RYR2: variants seen among roughly 807,000 people sequenced by gnomAD.
RYR2 encodes ryanodine receptor 2.
A neutral mutation model predicts 601.1 loss-of-function variants in RYR2; 227 were observed. That is an observed-to-expected ratio of 0.38 (90% confidence interval 0.34 to 0.42). RYR2 has a LOEUF of 0.42. RYR2 is among the 10% of genes least tolerant of loss of function. The pLI, the probability that RYR2 is intolerant of heterozygous loss-of-function variation, is 1.00. For synonymous variants in RYR2, 2,223 were observed against 2,175.1 expected (o/e 1.02, Z -0.61); for missense variants, 4,646 against 6,156.5 (o/e 0.75, Z 8.21).
In RYR2 at chr1:237,426,595, T is replaced by G. The variant is rs558296793; in HGVS notation, c.1005+3347T>G. Among the ~76,000 whole-genome samples the G allele has an allele frequency of 1.0e-3, 154 of 152,302 alleles. 1 individual carries two copies. The highest frequency in any genetic ancestry group is 3.5e-3 in the African/African-American group (145 of 41,576). ...TTCAAGTAAAGAAGGTGGTACCTAT[T>G]AAAATGGCATTCAGCTTATTGACAA... On this transcript the variant is annotated intron_variant, in intron 12 of 104. Transcript: ENST00000366574.
In RYR2 at chr1:237,400,517, A is replaced by C. The variant is rs544124022; in HGVS notation, c.773+12334A>C. Among the ~76,000 whole-genome samples the C allele has an allele frequency of 2.6e-5, 4 of 152,296 alleles. No homozygotes were observed. In the South Asian group the frequency reaches 6.2e-4, roughly 24 times the overall value. On this transcript the variant is annotated intron_variant, in intron 10 of 104. Transcript: ENST00000366574. ...TCTAGCAAGCAAATTGGTCCTGCCC[A>C]ATATCTGATATTAAGGTACTGCTTT...
chr1:237,217,851 G>T (rs988978377), intron 1 of RYR2, among the ~76,000 whole-genome samples: 11 of 152,180 alleles, frequency 7.2e-5, no homozygotes, highest in African/African-American at 2.7e-4. Context: ...ATTTGCAGAC[G>T]CAAGCTTTGC....
chr1:237,618,058 G>GT lies in RYR2; in HGVS notation c.5916+574dup, dbSNP rs1272685801. Among the ~76,000 whole-genome samples the GT allele has an allele frequency of 2.6e-5, 4 of 152,268 alleles. No homozygotes were observed. In the South Asian group the frequency reaches 8.3e-4, roughly 32 times the overall value. ...CAGAGTGGGCCTCAGAGTGTGGGAA[G>GT]TTACTGGCGTAGGGATGGTGTTAAA... is the stretch of plus-strand genomic sequence containing the variant. On this transcript the variant is annotated intron_variant, in intron 38 of 104. Transcript: ENST00000366574.
chr1:237,717,125 TA>T, intron 71 of RYR2, 72 bp from the exon 72 acceptor site: 1 of 1,347,760 alleles, frequency 7.4e-7, no homozygotes, highest in Non-Finnish European at 1.0e-6. Flanking sequence ...AGTGACAAGT[TA>T]GGGAAGAGTC....
chr1:237,592,196 T>C (rs1203724232), intron 32 of RYR2, among the ~76,000 whole-genome samples: 1 of 152,232 alleles, frequency 6.6e-6, no homozygotes, highest in Non-Finnish European at 1.5e-5. Context: ...TCATAATTTG[T>C]GAGAGGTCAA....
intron 1 of RYR2, among the ~76,000 whole-genome samples, chr1:237,214,816 TA>T (rs919120034): frequency 1.8e-4 from 28 of 152,330 alleles, no homozygotes; most frequent in African/African-American, 6.5e-4. Context: ...ACTTTAAGAA[TA>T]AAATACAACA....
chr1:237,131,679 G>T (rs1034028289), intron 1 of RYR2, among the ~76,000 whole-genome samples: 1 of 152,114 alleles, frequency 6.6e-6, no homozygotes, highest in African/African-American at 2.4e-5. Flanking sequence ...TGACAGGATG[G>T]TAGCTAGCCT....
At chr1:237,785,485 C>T (rs1695476117) in intron 90 of RYR2, among the ~76,000 whole-genome samples, 1 of 152,168 alleles carries the variant, frequency 6.6e-6, no homozygotes, top group South Asian at 2.1e-4. Flanking sequence ...GGGTCACTGC[C>T]TTCAAATTAC....
At chr1:237,122,501 G>A (rs1349933235) in intron 1 of RYR2, among the ~76,000 whole-genome samples, 1 of 152,148 alleles carries the variant, frequency 6.6e-6, no homozygotes, top group Non-Finnish European at 1.5e-5. Context: ...GGCCAACATG[G>A]TGAAACCCCG....
chr1:237,732,082 A>G lies in RYR2; in HGVS notation c.10972A>G (p.Thr3658Ala). The G allele has an allele frequency of 6.2e-7, 1 of 1,611,708 alleles. No individual in the cohort carries two copies. Among genetic ancestry groups the G allele is most frequent in the East Asian group, 2.2e-5 (1 of 44,824 alleles). Residue 3658 changes from threonine (T) to alanine (A), a missense_variant, in exon 78 of 105, where the codon ACT becomes GCT. Around this residue, in one of 17 missense-constraint regions of RYR2, gnomAD observed 1,497 missense variants for 1,842.6 expected, o/e 0.81. Coordinates refer to ENST00000366574, the MANE Select transcript of RYR2 (RefSeq NM_001035.3). Reference protein sequence around the residue: ...GAEPPEEDEGTKRVDPLHQLI... With the variant: ...GAEPPEEDEGAKRVDPLHQLI... ...TGAACCTCCAGAAGAAGATGAAGGCACTAAGAGAGTTGATCCTCTACATCA... is the reference window on the plus strand; with the variant it reads ...TGAACCTCCAGAAGAAGATGAAGGCGCTAAGAGAGTTGATCCTCTACATCA...
chr1:237,287,876 G>A (rs1480227026), intron 2 of RYR2, among the ~76,000 whole-genome samples: 1 of 152,124 alleles, frequency 6.6e-6, no homozygotes, highest in Non-Finnish European at 1.5e-5. Flanking sequence ...TTGTGGAGTG[G>A]TGAAGAGCCT....
chr1:237,222,171 T>G (rs1381458686), intron 1 of RYR2, among the ~76,000 whole-genome samples: 1 of 151,882 alleles, frequency 6.6e-6, no homozygotes, highest in Non-Finnish European at 1.5e-5. Flanking sequence ...TCCCAGCACT[T>G]TGGGAGGCTG....
rs556671069 is a variant in RYR2 at position 237,201,056 on chromosome 1, C to T, written c.49-69441C>T. Among the ~76,000 whole-genome samples, 126 of 152,294 alleles carry T rather than the reference C, an allele frequency of 8.3e-4. 2 individuals carry two copies. The highest frequency in any genetic ancestry group is 1.7e-3 in the Non-Finnish European group (114 of 68,024). On this transcript the variant is annotated intron_variant, in intron 1 of 104. Coordinates refer to ENST00000366574, the MANE Select transcript of RYR2 (RefSeq NM_001035.3). ...CTGCTGTGCCTATGGCACAGGATGA[C>T]AGTTTTGGAAAGACAGTAAGGGTAA... is the stretch of plus-strand genomic sequence containing the variant.
chr1:237,388,897 T>G (rs898086574), intron 10 of RYR2, among the ~76,000 whole-genome samples: 2 of 152,194 alleles, frequency 1.3e-5, no homozygotes, highest in Non-Finnish European at 2.9e-5. Context: ...GTGGACATTT[T>G]TCATATTAAC....
chr1:237,227,554 G>A (rs568880676), intron 1 of RYR2, among the ~76,000 whole-genome samples: 1 of 152,298 alleles, frequency 6.6e-6, no homozygotes, highest in South Asian at 2.1e-4. Context: ...CTTGGCCAGG[G>A]CTAGTGTCTG....
intron 76 of RYR2, among the ~76,000 whole-genome samples, chr1:237,729,438 G>A (rs911953827): frequency 6.6e-6 from 1 of 152,106 alleles, no homozygotes; most frequent in African/African-American, 2.4e-5. Flanking sequence ...GGCTGCGTTG[G>A]CAGTTGCCCC....
intron 1 of RYR2, among the ~76,000 whole-genome samples, chr1:237,185,773 A>G (rs967736409): frequency 6.6e-6 from 1 of 152,256 alleles, no homozygotes; most frequent in South Asian, 2.1e-4. Flanking sequence ...GGGCCGTTAG[A>G]CTTTTAGAGG....
intron 1 of RYR2, among the ~76,000 whole-genome samples, chr1:237,088,152 T>C (rs1229161652): frequency 6.6e-6 from 1 of 152,210 alleles, no homozygotes; most frequent in African/African-American, 2.4e-5. Flanking sequence ...CTGTACTTTT[T>C]TTTTTCCAAT....
chr1:237,080,792 A>G (rs1471739847), intron 1 of RYR2, among the ~76,000 whole-genome samples: 1 of 105,656 alleles, frequency 9.5e-6, no homozygotes, highest in Non-Finnish European at 2.0e-5. Flanking sequence ...ATATACCCAA[A>G]TGAGTATAAG....
Sources: gnomAD v4.1 joint callset for allele counts (sites outside exome capture counted in the v4.1 genomes callset) on GRCh38, gnomAD v4.1.1 for gene constraint, gnomAD v4.1.1 regional missense constraint, MANE v1.5 for transcripts, NCBI Gene and HGNC (gene_info 2026-07-23, HGNC 2026-07-21) for gene names.